The following DIPK1C variants were observed in gnomAD, a reference collection of about 807,000 sequenced individuals.
DIPK1C encodes the protein familial non-conventional Alzheimer's dementia.
Under a neutral mutation model 28.0 loss-of-function variants are expected in DIPK1C, and 33 were observed. The ratio of observed to expected loss-of-function variants is 1.18; its 90% CI spans 0.89 to 1.58. The LOEUF is 1.58. Among genes scored for constraint, DIPK1C ranks in the 40% most tolerant of loss-of-function variants. The pLI, the probability that DIPK1C is intolerant of heterozygous loss-of-function variation, is 0.00. For synonymous variants in DIPK1C, 255 were observed against 248.8 expected (o/e 1.02, Z -0.23); for missense variants, 569 against 568.5 (o/e 1.00, Z -0.01).
chr18:74,454,906 G>A (rs1230292383), intron 1 of DIPK1C, among the ~76,000 whole-genome samples: 12 of 152,126 alleles, frequency 7.9e-5, no homozygotes, highest in Admixed American at 7.9e-4. Flanking sequence ...AAAGAGTTCT[G>A]AGAATGTGTA....
chr18:74,442,174 G>A lies in DIPK1C; in HGVS notation c.877-58C>T, dbSNP rs1050262329. 3.1e-6 allele frequency: 5 copies of A among 1,595,670 alleles called. No homozygotes were observed. In the South Asian group the frequency reaches 3.4e-5, roughly 11 times the overall value. ...GCTACTGGTGGGCTCTGCAGAGAGG[G>A]AGCCTGTTCACAACTTCTGTTCACC... is the stretch of plus-strand genomic sequence containing the variant. On this transcript the variant is annotated intron_variant, in intron 2 of 3. Transcript: ENST00000343998.
At chr18:74,458,133 T>C (rs1019891991), upstream of DIPK1C, among the ~76,000 whole-genome samples, 2 of 152,108 alleles carry the variant, frequency 1.3e-5, no homozygotes, top group Non-Finnish European at 2.9e-5. Context: ...GCGTCCCTGG[T>C]TCTCACCAGC....
In DIPK1C at chr18:74,439,617, AC is replaced by A. The variant is rs768584572; in HGVS notation, c.1041+2334del. Among the ~76,000 whole-genome samples the A allele has an allele frequency of 7.2e-5, 11 of 152,236 alleles. No individual in the cohort carries two copies. The East Asian group carries it at 2.1e-3, about 29-fold the overall frequency. Reference sequence around the variant, plus strand: ...GATCACTTGAGACCAGAAGTTTGAGACCAGCCTGGACAACATAGTGAGACCA... The same window carrying A: ...GATCACTTGAGACCAGAAGTTTGAGACAGCCTGGACAACATAGTGAGACCA... On this transcript the variant is annotated intron_variant, in intron 3 of 3. Coordinates refer to ENST00000343998, the MANE Select transcript of DIPK1C (RefSeq NM_001044369.3).
intron 3 of DIPK1C, among the ~76,000 whole-genome samples, chr18:74,440,070 G>A (rs538513308): frequency 6.6e-6 from 1 of 151,308 alleles, no homozygotes; most frequent in East Asian, 2.0e-4. Flanking sequence ...TCAGCCTCCC[G>A]AGTAGCTGGG....
intron 3 of DIPK1C, among the ~76,000 whole-genome samples, chr18:74,439,472 T>C (rs548841947): frequency 1.3e-5 from 2 of 152,276 alleles, no homozygotes; most frequent in East Asian, 1.9e-4. Context: ...TTTCATTGAT[T>C]TGTAAATTTA....
chr18:74,464,267 C>CA, the DIPK1C span, among the ~76,000 whole-genome samples: 1 of 152,222 alleles, frequency 6.6e-6, no homozygotes, highest in Non-Finnish European at 1.5e-5. Flanking sequence ...TTAAATCCAC[C>CA]AATGAAAGCA....
upstream of DIPK1C, among the ~76,000 whole-genome samples, chr18:74,458,892 C>G (rs1484851042): frequency 6.6e-6 from 1 of 150,826 alleles, no homozygotes; most frequent in Non-Finnish European, 1.5e-5. Context: ...TTTTGGGAGG[C>G]CAAGGCAGAA....
chr18:74,442,188 C>A, intron 2 of DIPK1C, 72 bp from the exon 3 acceptor site: 1 of 1,568,130 alleles, frequency 6.4e-7, no homozygotes, highest in Non-Finnish European at 8.7e-7. Context: ...CTGTTCACAA[C>A]TTCTGTTCAC....
intron 1 of DIPK1C, among the ~76,000 whole-genome samples, chr18:74,455,725 T>TAA (rs112246757): frequency 0.043 from 4,939 of 116,078 alleles, 401 homozygotes; most frequent in African/African-American, 0.14. Flanking sequence ...CAAAACTCCA[T>TAA]AAAAAAAAAA....
intron 3 of DIPK1C, among the ~76,000 whole-genome samples, chr18:74,439,885 G>A (rs1396138537): frequency 6.6e-6 from 1 of 150,814 alleles, no homozygotes; most frequent in Non-Finnish European, 1.5e-5. Context: ...AAAGAAAATT[G>A]TAATCCTACC....
chr18:74,436,521 G>A lies in DIPK1C; in HGVS notation c.1240C>T (p.Leu414=), dbSNP rs200137210. The change falls in exon 4 of 4, where the codon CTG becomes TTG. Residue 414 remains leucine, a synonymous_variant. Transcript: ENST00000343998. ...RQLLQATLRE[L]QEAEK is the part of the protein sequence containing the mutation. ...AGTGGCTACTTCTCTGCCTCCTGCA[G>A]CTCCCTCAGTGTGGCTTGGAGGAGT... 6.2e-7 allele frequency: 1 copy of A among 1,606,588 alleles called. No individual in the cohort carries two copies. Among genetic ancestry groups the A allele is most frequent in the African/African-American group, 1.3e-5 (1 of 74,846 alleles).
At chr18:74,444,167 G>A (rs1986208967) in intron 2 of DIPK1C, among the ~76,000 whole-genome samples, 1 of 152,128 alleles carries the variant, frequency 6.6e-6, no homozygotes, top group African/African-American at 2.4e-5. Flanking sequence ...GGCATCAGAG[G>A]AGGAAGATGA....
chr18:74,440,678 G>A (rs984833904), intron 3 of DIPK1C, among the ~76,000 whole-genome samples: 6 of 152,170 alleles, frequency 3.9e-5, no homozygotes, highest in South Asian at 2.1e-4. Context: ...TTAATGAATC[G>A]GTAAGAGCCC....
Position 74,447,290 on chromosome 18 carries a change from G to T in DIPK1C, c.199-7C>A. 6.6e-7 allele frequency: 1 copy of T among 1,520,504 alleles called. No homozygotes were observed. 94.2% of individuals were successfully genotyped at this position (1,520,504 alleles called of 1,614,324 possible). A position where few individuals can be genotyped will look rare whatever the true frequency, so the allele number is the denominator to read the frequency against. ...CGCCCTGGTAGTCCTGGCACTGGAA[G>T]GAAGGGAACAGTCGGTCACCATGGG... On this transcript the variant is annotated splice_region_variant and splice_polypyrimidine_tract_variant and intron_variant, in intron 1 of 3. Coordinates refer to ENST00000343998, the MANE Select transcript of DIPK1C (RefSeq NM_001044369.3). This position sits in a 1 kb window ranked among gnomAD's most constrained non-coding sequence, Gnocchi z 4.1.
chr18:74,453,654 T>G (rs949771152), intron 1 of DIPK1C, among the ~76,000 whole-genome samples: 5 of 152,206 alleles, frequency 3.3e-5, no homozygotes, highest in African/African-American at 9.7e-5. Context: ...ATCTTTGACA[T>G]GCTTTGAAAA....
At chr18:74,441,841 G>A (rs1007159206) in intron 3 of DIPK1C, 111 bp downstream of exon 3, 11 of 1,179,240 alleles carry the variant, frequency 9.3e-6, no homozygotes, top group Non-Finnish European at 1.3e-5. Flanking sequence ...GATCCAGATG[G>A]ATGGCCTGAA....
chr18:74,443,926 A>G (rs1482981787), intron 2 of DIPK1C, among the ~76,000 whole-genome samples: 1 of 152,112 alleles, frequency 6.6e-6, no homozygotes. Context: ...CATTTCTGAT[A>G]GTTTCCTTCT....
chr18:74,453,190 C>T (rs528168215), intron 1 of DIPK1C, among the ~76,000 whole-genome samples: 20 of 152,200 alleles, frequency 1.3e-4, no homozygotes, highest in Non-Finnish European at 2.8e-4. Flanking sequence ...AAAACAAAAC[C>T]TGTCCACTCT....
upstream of DIPK1C, among the ~76,000 whole-genome samples, chr18:74,461,058 G>T (rs536732597): frequency 3.2e-4 from 49 of 152,340 alleles, no homozygotes; most frequent in African/African-American, 1.1e-3. Flanking sequence ...GTGAGGTCTT[G>T]CACTCCAAAT....
Sources: allele counts gnomAD v4.1 joint callset (sites outside exome capture counted in the v4.1 genomes callset), GRCh38; gene constraint gnomAD v4.1.1; non-coding constraint Gnocchi (gnomAD v3.1); transcripts MANE v1.5; gene names NCBI Gene and HGNC (gene_info 2026-07-23, HGNC 2026-07-21).